GRB10: variants seen among roughly 807,000 people sequenced by gnomAD.
GRB10 encodes growth factor receptor-bound protein 10.
A neutral mutation model predicts 80.9 loss-of-function variants in GRB10; 20 were observed. The ratio of observed to expected loss-of-function variants is 0.25; its 90% CI spans 0.17 to 0.36. The LOEUF is 0.36. Ranked by LOEUF, GRB10 falls within the 10% of genes least tolerant of loss-of-function variation. The probability of loss-of-function intolerance (pLI) is 1.00; values close to 1 mark genes in which losing one functional copy is unlikely to be tolerated. For synonymous variants in GRB10, 291 were observed against 291.5 expected (o/e 1.00, Z 0.02); for missense variants, 548 against 747.7 (o/e 0.73, Z 3.12).
intron 15 of GRB10, 139 bp downstream of exon 15, chr7:50,605,151 C>T (rs955693893): frequency 1.1e-5 from 6 of 565,372 alleles, no homozygotes; most frequent in Non-Finnish European, 1.5e-5. Context: ...CAACTGCTTC[C>T]TGCAGCTGAG....
At chr7:50,778,883 G>A (rs563620465) in intron 2 of GRB10, among the ~76,000 whole-genome samples, 5 of 152,220 alleles carry the variant, frequency 3.3e-5, no homozygotes, top group East Asian at 3.9e-4. Context: ...TTCCAAATCC[G>A]CTCAAGATTC....
chr7:50,658,694 C>T (rs1464757523), intron 7 of GRB10, among the ~76,000 whole-genome samples: 3 of 152,112 alleles, frequency 2.0e-5, no homozygotes, highest in Admixed American at 1.3e-4. Context: ...TGTTTTAGGC[C>T]CCTCAAATTC....
intron 3 of GRB10, among the ~76,000 whole-genome samples, chr7:50,743,387 C>T (rs1469355175): frequency 6.6e-6 from 1 of 152,256 alleles, no homozygotes; most frequent in East Asian, 1.9e-4. Flanking sequence ...TAAATCAATA[C>T]ATGATCTTGA....
intron 6 of GRB10, among the ~76,000 whole-genome samples, chr7:50,672,965 G>A (rs2060515543): frequency 1.3e-5 from 2 of 152,204 alleles, no homozygotes; most frequent in African/African-American, 4.8e-5. Context: ...AAGTCGGAGG[G>A]GAAGCCGGGG....
intron 3 of GRB10, among the ~76,000 whole-genome samples, chr7:50,749,238 C>G (rs1230036512): frequency 6.6e-6 from 1 of 150,684 alleles, no homozygotes; most frequent in Non-Finnish European, 1.5e-5. Flanking sequence ...AAGCGATTCT[C>G]CTGCCTCAGC....
intron 1 of GRB10, among the ~76,000 whole-genome samples, chr7:50,788,671 A>G (rs1270388392): frequency 6.6e-6 from 1 of 152,212 alleles, no homozygotes; most frequent in East Asian, 1.9e-4. Flanking sequence ...GCCCAGTTCC[A>G]TTTACCTAAT....
chr7:50,733,395 A>C (rs1481188741), intron 3 of GRB10, among the ~76,000 whole-genome samples: 1 of 152,208 alleles, frequency 6.6e-6, no homozygotes, highest in Non-Finnish European at 1.5e-5. Context: ...ACACAGACCC[A>C]AAATATAAAA....
At chr7:50,772,667 T>C (rs1043429591) in intron 2 of GRB10, among the ~76,000 whole-genome samples, 3 of 152,186 alleles carry the variant, frequency 2.0e-5, no homozygotes, top group Non-Finnish European at 4.4e-5. Flanking sequence ...AGAAAACATA[T>C]GCAAAAATCT....
chr7:50,597,691 G>A (rs138634332), intron 17 of GRB10, among the ~76,000 whole-genome samples: 4 of 152,354 alleles, frequency 2.6e-5, no homozygotes, highest in African/African-American at 7.2e-5. Flanking sequence ...GCTGCTGGAA[G>A]GCTTGAGCTT....
chr7:50,761,324 T>C (rs990599752), intron 2 of GRB10, among the ~76,000 whole-genome samples: 4 of 152,236 alleles, frequency 2.6e-5, no homozygotes, highest in Non-Finnish European at 4.4e-5. Flanking sequence ...ATTCTTTCAA[T>C]CACTTGCTGG....
chr7:50,635,547 C>T (rs1355947064), intron 7 of GRB10, among the ~76,000 whole-genome samples: 1 of 129,082 alleles, frequency 7.7e-6, no homozygotes, highest in Non-Finnish European at 1.7e-5. Context: ...TTATTGAGAC[C>T]CCAAAAAACA....
At chr7:50,688,704 A>T (rs886712439) in intron 5 of GRB10, among the ~76,000 whole-genome samples, 2 of 146,396 alleles carry the variant, frequency 1.4e-5, no homozygotes, top group East Asian at 2.0e-4. Context: ...CAGACTGTTT[A>T]AAAAAAAAAA....
chr7:50,594,777 A>G, intron 18 of GRB10, among the ~76,000 whole-genome samples: 1 of 152,236 alleles, frequency 6.6e-6, no homozygotes, highest in East Asian at 1.9e-4. Context: ...CAGGCGAATC[A>G]AACATAAAGT....
intron 7 of GRB10, among the ~76,000 whole-genome samples, chr7:50,644,573 G>C (rs2056850333): frequency 1.3e-5 from 2 of 152,162 alleles, no homozygotes; most frequent in Non-Finnish European, 2.9e-5. Context: ...CTGACTGATG[G>C]GCATTCCGTT....
intron 8 of GRB10, among the ~76,000 whole-genome samples, chr7:50,623,844 A>G (rs1182930472): frequency 6.6e-6 from 1 of 152,138 alleles, no homozygotes; most frequent in Non-Finnish European, 1.5e-5. Context: ...CAAATTTTGG[A>G]ACATTTGCAT....
intron 4 of GRB10, among the ~76,000 whole-genome samples, chr7:50,708,604 G>A (rs2065360889): frequency 6.6e-6 from 1 of 151,620 alleles, no homozygotes; most frequent in African/African-American, 2.4e-5. Flanking sequence ...GTTTGTCTGT[G>A]TGTCTGTTTC....
intron 4 of GRB10, chr7:50,725,961 G>A (rs187128365): frequency 3.3e-5 from 5 of 152,286 alleles, no homozygotes; most frequent in East Asian, 1.9e-4. Context: ...GACCCCGTAC[G>A]CCTGATCCCT....
chr7:50,595,637 A>ACACACACACG, intron 17 of GRB10, 107 bp from the exon 18 acceptor site: 1 of 745,492 alleles, frequency 1.3e-6, no homozygotes, highest in Non-Finnish European at 2.4e-6. Flanking sequence ...ACACACACAC[A>ACACACACACG]GGCTTGGAGC....
At chr7:50,778,199 T>C (rs150605940) in intron 2 of GRB10, among the ~76,000 whole-genome samples, 224 of 152,356 alleles carry the variant, frequency 1.5e-3, no homozygotes, top group African/African-American at 5.3e-3. Context: ...TCATAATACA[T>C]TGTGGCACAC....
Sources: allele counts gnomAD v4.1 joint callset (sites outside exome capture counted in the v4.1 genomes callset), GRCh38; gene constraint gnomAD v4.1.1; transcripts MANE v1.5; gene names NCBI Gene and HGNC (gene_info 2026-07-23, HGNC 2026-07-21).